Variants in ESRRG observed in about 807,000 individuals in gnomAD.
ESRRG encodes estrogen related receptor gamma.
ESRRG carries 13 observed loss-of-function variants against 44.0 expected under a neutral mutation model. The ratio of observed to expected loss-of-function variants is 0.30; its 90% CI spans 0.19 to 0.47. The LOEUF (loss-of-function observed/expected upper bound fraction) is 0.47. ESRRG is among the 20% of genes least tolerant of loss of function. The pLI is 1.00. For synonymous variants in ESRRG, 215 were observed against 214.6 expected (o/e 1.00, Z -0.02); for missense variants, 395 against 580.6 (o/e 0.68, Z 3.29).
chr1:217,118,221 A>C (rs2092763273), intron 1 of ESRRG, among the ~76,000 whole-genome samples: 1 of 152,238 alleles, frequency 6.6e-6, no homozygotes, highest in Admixed American at 6.5e-5. Context: ...TAGCTAAGGA[A>C]AGAAATTAAC....
intron 3 of ESRRG, among the ~76,000 whole-genome samples, chr1:216,577,370 G>C (rs1249364909): frequency 6.6e-6 from 1 of 151,912 alleles, no homozygotes; most frequent in Non-Finnish European, 1.5e-5. Flanking sequence ...TTTAAGATGG[G>C]TGAATATTCT....
upstream of ESRRG, among the ~76,000 whole-genome samples, chr1:217,090,735 G>C (rs2092329701): frequency 6.6e-6 from 1 of 152,130 alleles, no homozygotes; most frequent in Non-Finnish European, 1.5e-5. Context: ...CCGGGCATCT[G>C]GCCCACCAGG....
At chr1:216,997,430 G>A (rs952526322) in intron 1 of ESRRG, among the ~76,000 whole-genome samples, 2 of 152,154 alleles carry the variant, frequency 1.3e-5, no homozygotes, top group African/African-American at 4.8e-5. Flanking sequence ...CTCCCCAGAT[G>A]TACAGAAAAA....
chr1:216,778,065 T>A (rs547291384), intron 2 of ESRRG, among the ~76,000 whole-genome samples: 13 of 152,060 alleles, frequency 8.5e-5, no homozygotes, highest in Non-Finnish European at 1.3e-4. Flanking sequence ...CTCGGATCAA[T>A]AGAAATTATA....
intron 3 of ESRRG, among the ~76,000 whole-genome samples, chr1:216,648,325 G>A (rs1030835012): frequency 2.0e-5 from 3 of 152,136 alleles, no homozygotes; most frequent in African/African-American, 4.8e-5. Context: ...GTGGGAGGTG[G>A]GGGGAGGTGG....
intron 2 of ESRRG, among the ~76,000 whole-genome samples, chr1:216,830,653 G>A (rs1217768193): frequency 3.9e-5 from 6 of 152,130 alleles, no homozygotes; most frequent in South Asian, 2.1e-4. Flanking sequence ...TTTTTCACCC[G>A]CTAGATTTGA....
upstream of ESRRG, among the ~76,000 whole-genome samples, chr1:217,093,445 G>A (rs1368330439): frequency 6.7e-6 from 1 of 149,802 alleles, no homozygotes; most frequent in African/African-American, 2.4e-5. Context: ...TAATTCCTGT[G>A]TAGAGTTAAA....
At chr1:216,956,076 C>T (rs893844340) in intron 1 of ESRRG, among the ~76,000 whole-genome samples, 4 of 152,028 alleles carry the variant, frequency 2.6e-5, no homozygotes, top group African/African-American at 9.7e-5. Context: ...TTTTTGGTTG[C>T]TGTCTGTGTT....
chr1:217,027,832 T>C (rs1037343343), intron 1 of ESRRG, among the ~76,000 whole-genome samples: 2 of 152,156 alleles, frequency 1.3e-5, no homozygotes, highest in Non-Finnish European at 2.9e-5. Context: ...GGACAACACT[T>C]GACCTTTAGT....
intron 2 of ESRRG, among the ~76,000 whole-genome samples, chr1:216,924,294 G>C (rs1033880212): frequency 6.6e-6 from 1 of 152,136 alleles, no homozygotes; most frequent in Non-Finnish European, 1.5e-5. Context: ...CTTCACGCAA[G>C]TCTCTATCCT....
intron 1 of ESRRG, among the ~76,000 whole-genome samples, chr1:217,131,027 G>A (rs1278389438): frequency 6.6e-6 from 1 of 152,166 alleles, no homozygotes; most frequent in Non-Finnish European, 1.5e-5. Context: ...AGGTGGATAT[G>A]TTGAAAACAA....
intron 1 of ESRRG, among the ~76,000 whole-genome samples, chr1:216,692,239 C>T (rs2079175157): frequency 1.3e-5 from 2 of 151,636 alleles, no homozygotes; most frequent in South Asian, 4.2e-4. Context: ...GAAGACCTTC[C>T]AGTAGGACTC....
intron 2 of ESRRG, among the ~76,000 whole-genome samples, chr1:216,816,566 C>T (rs1011436161): frequency 1.3e-5 from 2 of 152,118 alleles, no homozygotes; most frequent in African/African-American, 2.4e-5. Context: ...GAAACACACC[C>T]GAGTACTTTA....
intron 2 of ESRRG, among the ~76,000 whole-genome samples, chr1:216,937,495 G>A (rs1198348546): frequency 1.3e-5 from 2 of 152,166 alleles, no homozygotes; most frequent in African/African-American, 4.8e-5. Context: ...AATGCGGGGA[G>A]TATTCTCTCT....
At chr1:217,010,405 C>T (rs2150777485) in intron 1 of ESRRG, among the ~76,000 whole-genome samples, 1 of 152,220 alleles carries the variant, frequency 6.6e-6, no homozygotes. Context: ...CAACCCCACC[C>T]CTGCAGCCAA....
At chr1:216,924,361 T>A (rs2062233278) in intron 2 of ESRRG, among the ~76,000 whole-genome samples, 1 of 152,050 alleles carries the variant, frequency 6.6e-6, no homozygotes. Context: ...TCGAGAGCAA[T>A]GGCTCACTTG....
intron 2 of ESRRG, among the ~76,000 whole-genome samples, chr1:216,786,220 G>A (rs1352011035): frequency 6.6e-6 from 1 of 152,052 alleles, no homozygotes; most frequent in Non-Finnish European, 1.5e-5. Context: ...AGATTCATGT[G>A]CTGCAAGGAT....
chr1:217,039,866 T>C (rs1418050776), intron 1 of ESRRG, among the ~76,000 whole-genome samples: 1 of 147,978 alleles, frequency 6.8e-6, no homozygotes, highest in African/African-American at 2.4e-5. Context: ...CCCATCCCAG[T>C]GCTTCCCAAA....
chr1:216,978,113 T>C (rs945735025), intron 1 of ESRRG, among the ~76,000 whole-genome samples: 2 of 152,118 alleles, frequency 1.3e-5, no homozygotes, highest in African/African-American at 4.8e-5. Flanking sequence ...AACTAAGACA[T>C]GGAAGAATGG....
Sources: gnomAD v4.1 joint callset for allele counts (sites outside exome capture counted in the v4.1 genomes callset) on GRCh38, gnomAD v4.1.1 for gene constraint, MANE v1.5 for transcripts, NCBI Gene and HGNC (gene_info 2026-07-23, HGNC 2026-07-21) for gene names.